The following COLEC10 variants were observed in gnomAD, a reference collection of about 807,000 sequenced individuals.
COLEC10 encodes the protein collectin-10.
Under a neutral mutation model 28.4 loss-of-function variants are expected in COLEC10, and 22 were observed. The observed-to-expected ratio is 0.78, with a 90% CI of 0.55 to 1.11. The LOEUF is 1.11. Among genes scored for constraint, COLEC10 ranks in the 50% least tolerant of loss-of-function variants. The pLI, the probability that COLEC10 is intolerant of heterozygous loss-of-function variation, is 0.00. For synonymous variants in COLEC10, 125 were observed against 116.1 expected (o/e 1.08, Z -0.49); for missense variants, 361 against 344.1 (o/e 1.05, Z -0.39).
chr8:119,080,078 A>T (rs1279974221), intron 1 of COLEC10, among the ~76,000 whole-genome samples: 8 of 152,158 alleles, frequency 5.3e-5, no homozygotes, highest in South Asian at 2.1e-4. Flanking sequence ...GGGAGAAAGC[A>T]ACACAGGATG....
At chr8:119,061,940 A>G (rs1289641770) in intron 2 of COLEC10, among the ~76,000 whole-genome samples, 3 of 152,166 alleles carry the variant, frequency 2.0e-5, no homozygotes, top group Admixed American at 1.3e-4. Flanking sequence ...AAGACTTTAC[A>G]TTTCTACAAA....
At chr8:119,006,682 C>T (rs1288951659) in intron 1 of COLEC10, among the ~76,000 whole-genome samples, 1 of 152,018 alleles carries the variant, frequency 6.6e-6, no homozygotes, top group Non-Finnish European at 1.5e-5. Context: ...TGCCTCCATC[C>T]AGATATTCCC....
At chr8:119,028,015 G>A (rs76508452) in intron 2 of COLEC10, among the ~76,000 whole-genome samples, 6,025 of 152,222 alleles carry the variant, frequency 0.04, 169 homozygotes, top group Non-Finnish European at 0.062. Flanking sequence ...CTGTGTCAAG[G>A]ATCTGTGTGA....
At chr8:118,969,786 G>C in the COLEC10 span, among the ~76,000 whole-genome samples, 3 of 150,912 alleles carry the variant, frequency 2.0e-5, no homozygotes, top group African/African-American at 7.3e-5. Flanking sequence ...TACACGCACT[G>C]TAGCAAATTA....
the COLEC10 span, among the ~76,000 whole-genome samples, chr8:118,954,627 T>C: frequency 3.3e-5 from 5 of 152,216 alleles, no homozygotes; most frequent in Admixed American, 6.5e-5. Flanking sequence ...GCACCAGATA[T>C]ATGTGACGCT....
the COLEC10 span, among the ~76,000 whole-genome samples, chr8:118,959,730 G>A: frequency 6.6e-6 from 1 of 152,170 alleles, no homozygotes; most frequent in South Asian, 2.1e-4. Context: ...CTGAAAACCT[G>A]GCAGTCATGT....
rs1468802449 is a variant in COLEC10, at chr8:119,108,050, C to T, written c.*1859C>T. On this transcript the variant is annotated 3_prime_UTR_variant, in exon 6 of 6. Coordinates refer to ENST00000332843, the MANE Select transcript of COLEC10 (RefSeq NM_006438.5). ...TATGATGACATGAAAGTCAAGATAT[C>T]CCATTAATACCATATTCAATTCAGC... 2.0e-5 allele frequency among the ~76,000 whole-genome samples: 3 copies of T among 152,062 alleles called. No individual in the cohort carries two copies. Among genetic ancestry groups the T allele is most frequent in the African/African-American group, 7.2e-5 (3 of 41,428 alleles).
At chr8:119,019,388 C>T (rs1252023589) in intron 2 of COLEC10, among the ~76,000 whole-genome samples, 4 of 152,136 alleles carry the variant, frequency 2.6e-5, no homozygotes, top group African/African-American at 9.7e-5. Context: ...AATCTGTATT[C>T]CATGTGCTCT....
intron 3 of COLEC10, among the ~76,000 whole-genome samples, chr8:119,093,046 A>C (rs1815642295): frequency 6.6e-6 from 1 of 152,256 alleles, no homozygotes; most frequent in Non-Finnish European, 1.5e-5. Flanking sequence ...GGCAAAAGGC[A>C]CTAGAGAGAG....
At chr8:119,087,229 G>T (rs1418820296) in intron 1 of COLEC10, among the ~76,000 whole-genome samples, 1 of 152,182 alleles carries the variant, frequency 6.6e-6, no homozygotes, top group East Asian at 1.9e-4. Context: ...AAATTCTGGA[G>T]ATGCTAGAAA....
At position 119,004,316 on chromosome 8, in the gene COLEC10, T is replaced by C. The variant is rs3924059; in HGVS notation, n.123-5125T>C. 3.2e-3 allele frequency among the ~76,000 whole-genome samples: 488 copies of C among 151,992 alleles called. 1 individual carries two copies. The highest frequency in any genetic ancestry group is 0.011 in the African/African-American group (452 of 41,508). ...AATAACAATGATCCTGGGAATCACA[T>C]GCCATTATTTCTAGTGTCATAGACT... On this transcript the variant is annotated intron_variant and non_coding_transcript_variant, in intron 1 of 6. Transcript: ENST00000521788.
At chr8:118,957,539 C>G in the COLEC10 span, among the ~76,000 whole-genome samples, 1 of 152,262 alleles carries the variant, frequency 6.6e-6, no homozygotes, top group East Asian at 1.9e-4. Context: ...GAGAGGTGAG[C>G]AGGGCCAGTC....
chr8:119,082,375 C>T (rs1488988004), intron 1 of COLEC10, among the ~76,000 whole-genome samples: 1 of 152,218 alleles, frequency 6.6e-6, no homozygotes, highest in Non-Finnish European at 1.5e-5. Flanking sequence ...TCATTAAGCT[C>T]ACATTTATCT....
At chr8:119,016,616 C>G (rs2326192) in intron 2 of COLEC10, among the ~76,000 whole-genome samples, 97,619 of 151,570 alleles carry the variant, frequency 0.64, 32,453 homozygotes, top group African/African-American at 0.81. Flanking sequence ...CTTCCACAAT[C>G]GTTGAACTAA....
the COLEC10 span, among the ~76,000 whole-genome samples, chr8:118,961,657 C>G: frequency 6.6e-6 from 1 of 152,168 alleles, no homozygotes; most frequent in Non-Finnish European, 1.5e-5. Context: ...GAGTCTGACA[C>G]TGGAGTCCTA....
chr8:119,096,400 T>G (rs942046707), intron 3 of COLEC10, among the ~76,000 whole-genome samples: 1 of 152,196 alleles, frequency 6.6e-6, no homozygotes, highest in Non-Finnish European at 1.5e-5. Context: ...GAGACCAGCC[T>G]AGCCAGCATG....
chr8:119,070,159 A>G (rs1470739069), intron 1 of COLEC10, among the ~76,000 whole-genome samples: 1 of 152,168 alleles, frequency 6.6e-6, no homozygotes, highest in Non-Finnish European at 1.5e-5. Flanking sequence ...GCATGTTGTT[A>G]CATCTGTTAC....
intron 3 of COLEC10, among the ~76,000 whole-genome samples, chr8:119,091,769 C>T (rs1211049937): frequency 1.3e-5 from 2 of 151,988 alleles, no homozygotes; most frequent in African/African-American, 4.8e-5. Flanking sequence ...TATCTCACAG[C>T]TCAAAAAAAG....
the COLEC10 span, among the ~76,000 whole-genome samples, chr8:118,979,255 A>C: frequency 6.6e-6 from 1 of 152,012 alleles, no homozygotes. Context: ...ACCACTTAGA[A>C]CTGTCACTTT....
Sources: allele counts gnomAD v4.1 joint callset (sites outside exome capture counted in the v4.1 genomes callset), GRCh38; gene constraint gnomAD v4.1.1; transcripts MANE v1.5; gene names NCBI Gene and HGNC (gene_info 2026-07-23, HGNC 2026-07-21).